The following AGBL1 variants were observed in gnomAD, a reference collection of about 807,000 sequenced individuals.
AGBL1 encodes the protein AGBL carboxypeptidase 1.
AGBL1 carries 130 observed loss-of-function variants against 118.9 expected under a neutral mutation model. The observed-to-expected ratio is 1.09, with a 90% CI of 0.95 to 1.26. The LOEUF (loss-of-function observed/expected upper bound fraction) is 1.26. AGBL1 is among the 50% of genes most tolerant of loss of function. The pLI is 0.00. For missense variants in AGBL1, 1,584 were observed against 1,298.1 expected (o/e 1.22, Z -3.38); for synonymous variants, 555 against 478.9 (o/e 1.16, Z -2.08).
chr15:86,163,447 G>C (rs1053052824), intron 5 of AGBL1, among the ~76,000 whole-genome samples: 24 of 152,228 alleles, frequency 1.6e-4, no homozygotes, highest in African/African-American at 5.5e-4. Context: ...ATAAATGAGG[G>C]CTGGGTATTG....
At chr15:86,450,629 T>C (rs1162206894) in intron 18 of AGBL1, among the ~76,000 whole-genome samples, 1 of 152,190 alleles carries the variant, frequency 6.6e-6, no homozygotes, top group Non-Finnish European at 1.5e-5. Flanking sequence ...AAGAATAGGG[T>C]CAAAATATTA....
intron 1 of AGBL1, among the ~76,000 whole-genome samples, chr15:86,089,309 C>G (rs1000674895): frequency 2.6e-5 from 4 of 152,202 alleles, no homozygotes; most frequent in African/African-American, 9.7e-5. Flanking sequence ...CATTCCTCTG[C>G]TTGGTGAATA....
intron 24 of AGBL1, among the ~76,000 whole-genome samples, chr15:87,004,317 G>T (rs925531154): frequency 6.6e-6 from 1 of 151,948 alleles, no homozygotes; most frequent in Admixed American, 6.6e-5. Context: ...TATAGTGGGA[G>T]AGTTTAAGTC....
chr15:86,936,240 A>ATGTGTGTGTGTGTG (rs767265459), intron 23 of AGBL1, among the ~76,000 whole-genome samples: 2 of 134,032 alleles, frequency 1.5e-5, no homozygotes, highest in African/African-American at 5.9e-5. Context: ...GTGTGTATGT[A>ATGTGTGTGTGTGTG]TGTGTGTGTG....
At chr15:86,110,087 T>C (rs1897273517) in intron 1 of AGBL1, among the ~76,000 whole-genome samples, 1 of 152,210 alleles carries the variant, frequency 6.6e-6, no homozygotes. Context: ...CCGTCAGGTA[T>C]TGAAAGAATC....
intron 1 of AGBL1, among the ~76,000 whole-genome samples, chr15:86,112,331 C>T (rs1325019416): frequency 1.3e-5 from 2 of 150,944 alleles, no homozygotes; most frequent in African/African-American, 2.4e-5. Flanking sequence ...TTGTTCTTTG[C>T]ATTTATCCGT....
At chr15:86,676,613 TA>T (rs138398014) in intron 22 of AGBL1, among the ~76,000 whole-genome samples, 2,055 of 152,302 alleles carry the variant, frequency 0.013, 17 homozygotes, top group Middle Eastern at 0.031. Flanking sequence ...ACAAAGAGTG[TA>T]ACCAATGTTT....
At chr15:86,699,292 T>A (rs1395436327) in intron 22 of AGBL1, among the ~76,000 whole-genome samples, 1 of 152,078 alleles carries the variant, frequency 6.6e-6, no homozygotes, top group Non-Finnish European at 1.5e-5. Flanking sequence ...TATTCCTTAA[T>A]ATCTCAGTGT....
intron 22 of AGBL1, among the ~76,000 whole-genome samples, chr15:86,835,369 G>T (rs1345357916): frequency 6.6e-6 from 1 of 152,142 alleles, no homozygotes; most frequent in Non-Finnish European, 1.5e-5. Context: ...AGCAGTAATG[G>T]TTTGAATGGG....
intron 22 of AGBL1, among the ~76,000 whole-genome samples, chr15:86,824,750 A>G (rs2078984568): frequency 6.6e-6 from 1 of 152,144 alleles, no homozygotes; most frequent in Non-Finnish European, 1.5e-5. Flanking sequence ...ATAGATCAAT[A>G]GAACAGAAAA....
chr15:86,609,359 G>A (rs1284895259), intron 21 of AGBL1, among the ~76,000 whole-genome samples: 1 of 152,200 alleles, frequency 6.6e-6, no homozygotes, highest in Non-Finnish European at 1.5e-5. Flanking sequence ...AAGGTCACCA[G>A]CCATCAAATG....
chr15:86,589,094 G>A (rs1320576552), intron 21 of AGBL1, among the ~76,000 whole-genome samples: 4 of 151,926 alleles, frequency 2.6e-5, no homozygotes, highest in Non-Finnish European at 4.4e-5. Context: ...AATAACTTAC[G>A]ATGGTTGATT....
At chr15:86,300,179 C>G (rs1056812228) in intron 17 of AGBL1, among the ~76,000 whole-genome samples, 1 of 152,118 alleles carries the variant, frequency 6.6e-6, no homozygotes, top group Non-Finnish European at 1.5e-5. Flanking sequence ...ATGCACACAA[C>G]CAGAACACAC....
At chr15:86,138,097 G>A (rs887768368) in intron 1 of AGBL1, among the ~76,000 whole-genome samples, 7 of 152,098 alleles carry the variant, frequency 4.6e-5, no homozygotes, top group African/African-American at 1.7e-4. Context: ...GGTGGGAATA[G>A]AGATATGAAT....
chr15:86,609,875 G>C (rs2142388446), intron 21 of AGBL1, among the ~76,000 whole-genome samples: 1 of 152,210 alleles, frequency 6.6e-6, no homozygotes, highest in South Asian at 2.1e-4. Context: ...CCATATGCTG[G>C]GGTTTTGTGT....
intron 5 of AGBL1, among the ~76,000 whole-genome samples, chr15:86,193,624 C>T (rs1467991485): frequency 1.3e-5 from 2 of 152,076 alleles, no homozygotes; most frequent in South Asian, 2.1e-4. Flanking sequence ...TCATTCAGGG[C>T]TCTGGAAAGC....
intron 22 of AGBL1, among the ~76,000 whole-genome samples, chr15:86,794,147 G>A (rs1364372177): frequency 6.6e-6 from 1 of 152,138 alleles, no homozygotes; most frequent in Non-Finnish European, 1.5e-5. Context: ...AACTTGTACA[G>A]AAATATTCAT....
intron 17 of AGBL1, among the ~76,000 whole-genome samples, chr15:86,338,062 A>G (rs2080402421): frequency 6.6e-6 from 1 of 152,072 alleles, no homozygotes; most frequent in Admixed American, 6.5e-5. Context: ...ACATAAACTG[A>G]TTAATTGAAA....
intron 6 of AGBL1, 82 bp downstream of exon 6, chr15:86,225,033 CTTTTT>C: frequency 4.8e-6 from 5 of 1,031,660 alleles, no homozygotes; most frequent in Non-Finnish European, 7.0e-6. Context: ...ATGGCTGTTT[CTTTTT>C]TTTTTTTTTT....
Sources: gnomAD v4.1 joint callset for allele counts (sites outside exome capture counted in the v4.1 genomes callset) on GRCh38, gnomAD v4.1.1 for gene constraint, MANE v1.5 for transcripts, NCBI Gene and HGNC (gene_info 2026-07-23, HGNC 2026-07-21) for gene names.